The following CD47 variants were observed in gnomAD, a reference collection of about 807,000 sequenced individuals.
CD47 encodes the protein CD47 molecule.
In CD47, 11 loss-of-function variants were observed where a neutral mutation model predicts 44.6. That is an observed-to-expected ratio of 0.25 (90% CI 0.16 to 0.41). CD47 has a LOEUF of 0.41. Ranked by LOEUF, CD47 falls within the 10% of genes least tolerant of loss-of-function variation. The pLI is 1.00. For missense variants in CD47, 306 were observed against 386.7 expected (o/e 0.79, Z 1.75); for synonymous variants, 140 against 136.3 (o/e 1.03, Z -0.19).
intron 10 of CD47, among the ~76,000 whole-genome samples, chr3:108,047,712 T>C (rs1325101477): frequency 6.6e-6 from 1 of 152,246 alleles, no homozygotes; most frequent in Non-Finnish European, 1.5e-5. Context: ...GGAAGCACCC[T>C]GAACCTCATT....
intron 3 of CD47, among the ~76,000 whole-genome samples, chr3:108,065,311 A>G (rs907174031): frequency 1.2e-4 from 18 of 152,200 alleles, no homozygotes; most frequent in Non-Finnish European, 2.2e-4. Context: ...GGATTTCACA[A>G]TTTTTGAGTA....
intron 2 of CD47, among the ~76,000 whole-genome samples, chr3:108,071,559 T>C (rs2079203504): frequency 6.6e-6 from 1 of 152,196 alleles, no homozygotes; most frequent in East Asian, 1.9e-4. Context: ...TCTTTGTTCT[T>C]TGGTGTCCTC....
chr3:108,060,668 A>G (rs2078994718), intron 4 of CD47, 77 bp downstream of exon 4: 1 of 929,588 alleles, frequency 1.1e-6, no homozygotes, highest in Admixed American at 1.8e-5. Context: ...CAGCCCTAGG[A>G]AACTAATGCA....
chr3:108,051,967 G>T lies in CD47; in HGVS notation c.881C>A (p.Ser294Tyr). The T allele has an allele frequency of 7.4e-7, 1 of 1,344,402 alleles. No individual in the cohort carries two copies. Among genetic ancestry groups the T allele is most frequent in the Non-Finnish European group, 1.1e-6 (1 of 940,062 alleles). 83.3% of individuals were successfully genotyped at this position (1,344,402 alleles called of 1,614,324 possible). A position where few individuals can be genotyped will look rare whatever the true frequency, so the allele number is the denominator to read the frequency against. Residue 294 changes from serine (S) to tyrosine (Y), a missense_variant, in exon 8 of 11, where the codon TCC (serine) becomes TAC (tyrosine). Transcript: ENST00000361309. ...AGGAGGTTGTATAGTCTTCTGATTGGAAGCTGATATAAATAACAAATAAGA... is the reference window on the plus strand; with the variant it reads ...AGGAGGTTGTATAGTCTTCTGATTGTAAGCTGATATAAATAACAAATAAGA... Reference protein sequence around the residue: ...LGLVYMKFVASNQKTIQPPRK... With the variant: ...LGLVYMKFVAYNQKTIQPPRK...
intron 5 of CD47, 101 bp downstream of exon 5, chr3:108,059,351 C>A (rs1576993959): frequency 1.9e-6 from 1 of 539,390 alleles, no homozygotes; most frequent in East Asian, 3.4e-5. Context: ...TAAACCTACT[C>A]TTATTGAGTT....
chr3:108,074,004 G>A (rs1269789766), intron 2 of CD47, among the ~76,000 whole-genome samples: 1 of 152,234 alleles, frequency 6.6e-6, no homozygotes. Context: ...ATAAACTTGA[G>A]AGAAATACTA....
intron 3 of CD47, among the ~76,000 whole-genome samples, chr3:108,070,540 T>C (rs1161021977): frequency 4.6e-5 from 7 of 152,214 alleles, no homozygotes; most frequent in Non-Finnish European, 7.3e-5. Context: ...GTTACTATTA[T>C]AGGAAAGCAA....
chr3:108,084,245 C>T (rs2079474211), intron 1 of CD47, among the ~76,000 whole-genome samples: 1 of 152,052 alleles, frequency 6.6e-6, no homozygotes. Context: ...AAAGTCACCA[C>T]CAATCCCTTG....
intron 1 of CD47, among the ~76,000 whole-genome samples, chr3:108,083,192 G>A (rs1297760811): frequency 6.6e-6 from 1 of 151,984 alleles, no homozygotes; most frequent in South Asian, 2.1e-4. Context: ...TAATGCCAGA[G>A]TTATAGATAA....
rs1453991400 is a variant in CD47, at chr3:108,046,982, C to G, written c.*306G>C. ...ACCTAGAGGCCAGAGGCCCTAGGAC[C>G]TGAAAGGCATCATTCTTGGAAATTG... On this transcript the variant is annotated 3_prime_UTR_variant, in exon 11 of 11. Coordinates refer to ENST00000361309, the MANE Select transcript of CD47 (RefSeq NM_001777.4). 3.3e-6 allele frequency: 1 copy of G among 306,510 alleles called. No individual in the cohort carries two copies. The allele number at this position is 306,510 out of a possible 1,614,324, so 19.0% of individuals were successfully genotyped here.
chr3:108,062,905 C>T (rs1015935616), intron 3 of CD47, among the ~76,000 whole-genome samples: 1 of 151,656 alleles, frequency 6.6e-6, no homozygotes, highest in Non-Finnish European at 1.5e-5. Context: ...CCACCTGCCA[C>T]GGCCTCCCAA....
chr3:108,088,073 A>G (rs1375411832), intron 1 of CD47, among the ~76,000 whole-genome samples: 2 of 152,222 alleles, frequency 1.3e-5, no homozygotes, highest in Non-Finnish European at 2.9e-5. Flanking sequence ...GAGAGATAAG[A>G]TATGAAAATA....
At chr3:108,067,606 C>A (rs775527394) in intron 3 of CD47, among the ~76,000 whole-genome samples, 1 of 152,138 alleles carries the variant, frequency 6.6e-6, no homozygotes, top group Non-Finnish European at 1.5e-5. Context: ...ACAAACAAAG[C>A]GTCTGAAATT....
rs528539601 is a variant in CD47, at chr3:108,044,247, G to A, written c.*3041C>T. On this transcript the variant is annotated 3_prime_UTR_variant, in exon 11 of 11. Transcript: ENST00000361309. The stretch of plus-strand genomic sequence containing the variant: ...TGTTAGTGCAAATAACAATTTGGTG[G>A]TCACTTACTAAATTGACTATAGCAT... 1 of 152,534 alleles carries A rather than the reference G, an allele frequency of 6.6e-6. No homozygotes were observed. The highest frequency in any genetic ancestry group is 1.9e-4 in the East Asian group (1 of 5,176). The allele number at this position is 152,534 out of a possible 1,614,324, so 9.4% of individuals were successfully genotyped here. A position where few individuals can be genotyped will look rare whatever the true frequency, so the allele number is the denominator to read the frequency against.
intron 2 of CD47, among the ~76,000 whole-genome samples, chr3:108,077,342 G>A (rs1030252919): frequency 6.6e-6 from 1 of 152,040 alleles, no homozygotes; most frequent in East Asian, 1.9e-4. Flanking sequence ...TTTTTAACTG[G>A]TTTTTGTTTG....
Position 108,047,190 on chromosome 3 carries a change from C to T in CD47, c.*98G>A, listed in dbSNP as rs1322474608. 2.1e-6 allele frequency: 2 copies of T among 971,568 alleles called. No homozygotes were observed. The highest frequency in any genetic ancestry group is 3.2e-6 in the Non-Finnish European group (2 of 626,760). 60.2% of individuals were successfully genotyped at this position (971,568 alleles called of 1,614,324 possible). On this transcript the variant is annotated 3_prime_UTR_variant, in exon 11 of 11. Transcript: ENST00000361309. The stretch of plus-strand genomic sequence containing the variant: ...ACCAGTTACTTTTCTTGTTTCTTCT[C>T]CCCAACAGTGAATCATCAAGGCCAT...
At chr3:108,090,647 G>C (rs2079616070) in intron 1 of CD47, among the ~76,000 whole-genome samples, 1 of 146,636 alleles carries the variant, frequency 6.8e-6, no homozygotes, top group African/African-American at 2.5e-5. Flanking sequence ...TCACCCAGGG[G>C]GAAGAAGACG....
chr3:108,078,987 CAG>C (rs2079362729), intron 2 of CD47, among the ~76,000 whole-genome samples: 1 of 152,042 alleles, frequency 6.6e-6, no homozygotes, highest in African/African-American at 2.4e-5. Context: ...AGTTGCTGAA[CAG>C]GGGCTGTAAC....
At chr3:108,076,123 G>C (rs756176557) in intron 2 of CD47, among the ~76,000 whole-genome samples, 1 of 152,238 alleles carries the variant, frequency 6.6e-6, no homozygotes, top group Non-Finnish European at 1.5e-5. Flanking sequence ...ACTTTGATCA[G>C]AGAACCCAGT....
Sources: allele counts gnomAD v4.1 joint callset (sites outside exome capture counted in the v4.1 genomes callset), GRCh38; gene constraint gnomAD v4.1.1; transcripts MANE v1.5; gene names NCBI Gene and HGNC (gene_info 2026-07-23, HGNC 2026-07-21).